The following SLC26A4 variants were observed in gnomAD, a reference collection of about 807,000 sequenced individuals.
The protein encoded by SLC26A4 is pendrin.
Under a neutral mutation model 90.4 loss-of-function variants are expected in SLC26A4, and 93 were observed. That is an observed-to-expected ratio of 1.03 (90% CI 0.87 to 1.22). The LOEUF (loss-of-function observed/expected upper bound fraction) is 1.22. SLC26A4 is among the 50% of genes most tolerant of loss of function. SLC26A4 has a pLI of 0.00. For synonymous variants in SLC26A4, 393 were observed against 354.6 expected, an observed-to-expected ratio of 1.11 and a Z score of -1.22; for missense variants, 1,127 against 946.2, an observed-to-expected ratio of 1.19 and a Z score of -2.51.
chr7:107,704,951 G>A (rs886668827), intron 18 of SLC26A4, among the ~76,000 whole-genome samples: 1 of 152,160 alleles, frequency 6.6e-6, no homozygotes, highest in African/African-American at 2.4e-5. Flanking sequence ...TAGTGCGGGA[G>A]CTTAGTCTAA....
In SLC26A4 at chr7:107,674,980, G is replaced by C; in HGVS notation, c.636G>C (p.Val212=). The C allele has an allele frequency of 6.2e-7, 1 of 1,614,076 alleles. No individual in the cohort carries two copies. Among genetic ancestry groups the C allele is most frequent in the South Asian group, 1.1e-5 (1 of 91,070 alleles). The change falls in exon 6 of 21, where the codon GTG becomes GTC. Residue 212 remains valine, a synonymous_variant. Coordinates refer to ENST00000644269, the MANE Select transcript of SLC26A4 (RefSeq NM_000441.2). The part of the protein sequence containing the change: ...IFGGLQIGFI[V]RYLADPLVGG... The stretch of plus-strand genomic sequence containing the variant: ...GTGGCTTGCAGATTGGATTCATAGT[G>C]AGGTACTTGGCAGATCCTTTGGTTG...
chr7:107,712,910 G>T (rs890708026), intron 20 of SLC26A4, among the ~76,000 whole-genome samples: 2 of 152,200 alleles, frequency 1.3e-5, no homozygotes, highest in African/African-American at 4.8e-5. Context: ...CTCTTCTAGA[G>T]ATGTAAGGCC....
At chr7:107,710,275 G>A (rs1224771116) in intron 19 of SLC26A4, 76 bp downstream of exon 19, 3 of 1,087,174 alleles carry the variant, frequency 2.8e-6, no homozygotes, top group Non-Finnish European at 4.2e-6. Flanking sequence ...CATTACACAA[G>A]TCTAGTCTAG....
intron 17 of SLC26A4, 145 bp from the exon 18 acceptor site, chr7:107,704,186 C>T (rs761882228): frequency 1.6e-6 from 1 of 612,808 alleles, no homozygotes; most frequent in Non-Finnish European, 3.0e-6. Context: ...TGAAAACCTC[C>T]ATGGTTTTGC....
intron 18 of SLC26A4, among the ~76,000 whole-genome samples, chr7:107,708,576 G>A (rs924726444): frequency 2.0e-5 from 3 of 152,196 alleles, no homozygotes; most frequent in South Asian, 2.1e-4. Context: ...TAAATAGGCC[G>A]GTCATGGCGG....
chr7:107,663,291 G>C lies in SLC26A4; in HGVS notation c.165-5G>C. On this transcript the variant is annotated splice_region_variant and splice_polypyrimidine_tract_variant and intron_variant, in intron 2 of 20. Coordinates refer to ENST00000644269, the MANE Select transcript of SLC26A4 (RefSeq NM_000441.2). ...TGAAAACCCAGTTTTCTTGCTTTTT[G>C]ACAGTTGTTCAAGAAAGAGAGCCTT... 1 of 1,614,150 alleles carries C rather than the reference G, an allele frequency of 6.2e-7. No homozygotes were observed. The highest frequency in any genetic ancestry group is 1.3e-5 in the African/African-American group (1 of 75,040).
At chr7:107,686,824 A>G (rs1164686257) in intron 8 of SLC26A4, among the ~76,000 whole-genome samples, 1 of 152,186 alleles carries the variant, frequency 6.6e-6, no homozygotes, top group African/African-American at 2.4e-5. Flanking sequence ...CCCGCAGAAC[A>G]TGCCCTGTCC....
rs987515584 is a variant in SLC26A4 at position 107,689,169 on chromosome 7, C to G, written c.1118C>G (p.Thr373Ser). 1.2e-6 allele frequency: 2 copies of G among 1,613,684 alleles called. No homozygotes were observed. Among genetic ancestry groups the G allele is most frequent in the Non-Finnish European group, 1.7e-6 (2 of 1,179,778 alleles). The change falls in exon 9 of 21, where the codon ACC becomes AGC. Residue 373 changes from threonine to serine, a missense_variant. Transcript: ENST00000644269. ...IAVSVGKVYA[T>S]KYDYTIDGNQ... Reference sequence around the variant, plus strand: ...GTGTCAGTAGGAAAAGTATATGCCACCAAGTATGATTACACCATCGATGGG... The same window carrying G: ...GTGTCAGTAGGAAAAGTATATGCCAGCAAGTATGATTACACCATCGATGGG...
chr7:107,712,545 C>T lies in SLC26A4; in HGVS notation c.2242C>T (p.Leu748Phe), dbSNP rs727504813. The T allele has an allele frequency of 6.5e-7, 1 of 1,546,674 alleles. No individual in the cohort carries two copies. Among genetic ancestry groups the T allele is most frequent in the Non-Finnish European group, 8.9e-7 (1 of 1,118,590 alleles). The change falls in exon 20 of 21, where the codon CTC becomes TTC. Residue 748 changes from leucine (L) to phenylalanine (F), a missense_variant. Physicochemically the swap from Leu to Phe is conservative, Grantham distance 22 (BLOSUM62 0). Transcript: ENST00000644269. ...CTGTGTTCTCTTTTTCAAGATCACTCTCATTCAGGATTGTAAAGATACCCT... is the reference window on the plus strand; with the variant it reads ...CTGTGTTCTCTTTTTCAAGATCACTTTCATTCAGGATTGTAAAGATACCCT... Reference protein sequence around the residue: ...GQGSILETITLIQDCKDTLEL... With the variant: ...GQGSILETITFIQDCKDTLEL...
chr7:107,703,327 A>T (rs577529427), intron 17 of SLC26A4, among the ~76,000 whole-genome samples: 134 of 152,314 alleles, frequency 8.8e-4, no homozygotes, highest in African/African-American at 3.1e-3. Flanking sequence ...CTGACTCCTA[A>T]CTGAGGTTCC....
intron 10 of SLC26A4, among the ~76,000 whole-genome samples, chr7:107,690,585 G>A (rs1791540386): frequency 6.6e-6 from 1 of 152,178 alleles, no homozygotes; most frequent in East Asian, 1.9e-4. Flanking sequence ...CCTGGTAAAA[G>A]CGCTTCCTGG....
rs1206245369 is a variant in SLC26A4 at position 107,717,561 on chromosome 7, A to C, written c.*2115A>C. Reference sequence around the variant, plus strand: ...ACATAAGTCAGCAAACTGCGGGAATACTGTCTCTTCTATGTATTTTGTGAA... The same window carrying C: ...ACATAAGTCAGCAAACTGCGGGAATCCTGTCTCTTCTATGTATTTTGTGAA... On this transcript the variant is annotated 3_prime_UTR_variant, in exon 21 of 21. Transcript: ENST00000644269. The C allele has an allele frequency of 1.3e-5, 2 of 152,612 alleles. No homozygotes were observed. The highest frequency in any genetic ancestry group is 2.9e-5 in the Non-Finnish European group (2 of 68,038). The allele number at this position is 152,612 out of a possible 1,614,324, so 9.5% of individuals were successfully genotyped here.
intron 10 of SLC26A4, chr7:107,692,171 GTATTA>G: frequency 1.0e-6 from 1 of 956,906 alleles, no homozygotes; most frequent in Non-Finnish European, 1.4e-6. Context: ...ATACTGGCAT[GTATTA>G]TATTTAGGAA....
chr7:107,715,796 C>T lies in SLC26A4; in HGVS notation c.*350C>T, dbSNP rs17154362. On this transcript the variant is annotated 3_prime_UTR_variant, in exon 21 of 21. Transcript: ENST00000644269. ...ACAGCCTCTGTGGTCAAGCGAGTCA[C>T]GAATGATTAATCATAAAGAAAAATC... 7.2e-3 allele frequency: 2,283 copies of T among 316,458 alleles called. 32 individuals carry two copies. The highest frequency in any genetic ancestry group is 0.039 in the African/African-American group (1,903 of 48,256). 19.6% of individuals were successfully genotyped at this position (316,458 alleles called of 1,614,324 possible). A position where few individuals can be genotyped will look rare whatever the true frequency, so the allele number is the denominator to read the frequency against.
intron 3 of SLC26A4, among the ~76,000 whole-genome samples, chr7:107,669,834 A>T (rs559091235): frequency 2.6e-4 from 39 of 152,320 alleles, no homozygotes; most frequent in African/African-American, 9.1e-4. Context: ...TATTTCAGTA[A>T]ATATCTTACT....
At chr7:107,670,396 C>T (rs1241998662) in intron 3 of SLC26A4, among the ~76,000 whole-genome samples, 4 of 152,112 alleles carry the variant, frequency 2.6e-5, no homozygotes, top group East Asian at 1.9e-4. Context: ...TGTGACTCAC[C>T]GCGCCCGGTC....
At chr7:107,663,523 C>A in intron 3 of SLC26A4, 88 bp downstream of exon 3, 3 of 1,455,174 alleles carry the variant, frequency 2.1e-6, no homozygotes, top group Non-Finnish European at 2.9e-6. Flanking sequence ...CAGATGGTTG[C>A]TTACCCTTCA....
intron 14 of SLC26A4, among the ~76,000 whole-genome samples, chr7:107,699,070 G>T (rs1465182358): frequency 3.3e-5 from 5 of 152,202 alleles, no homozygotes; most frequent in Non-Finnish European, 7.3e-5. Flanking sequence ...TGGGATTTCA[G>T]TAGCTGCTAC....
At chr7:107,680,307 T>C (rs1323832445) in intron 6 of SLC26A4, among the ~76,000 whole-genome samples, 1 of 136,222 alleles carries the variant, frequency 7.3e-6, no homozygotes, top group African/African-American at 2.7e-5. Context: ...TATAATATAA[T>C]CTTATATTAT....
Sources: gnomAD v4.1 joint callset for allele counts (sites outside exome capture counted in the v4.1 genomes callset) on GRCh38, gnomAD v4.1.1 for gene constraint, MANE v1.5 for transcripts, NCBI Gene and HGNC (gene_info 2026-07-23, HGNC 2026-07-21) for gene names.